Variants in INSL6 observed in about 807,000 individuals in gnomAD.
INSL6 encodes the protein insulin like 6, also known as insulin-like peptide INSL6.
Under a neutral mutation model 9.4 loss-of-function variants are expected in INSL6, and 16 were observed. That is an observed-to-expected ratio of 1.70 (90% CI 1.15 to 2.59). The LOEUF is 2.59. INSL6 is among the 30% of genes most tolerant of loss of function. INSL6 has a pLI of 0.00. For synonymous variants in INSL6, 154 were observed against 96.9 expected (o/e 1.59, Z -3.46); for missense variants, 391 against 257.3 (o/e 1.52, Z -3.56).
At chr9:5,046,370 CT>C in the INSL6 span, among the ~76,000 whole-genome samples, 1 of 152,252 alleles carries the variant, frequency 6.6e-6, no homozygotes, top group African/African-American at 2.4e-5. Context: ...CCTTTTCATT[CT>C]GTTGCTTGTC....
At chr9:5,040,387 G>A in the INSL6 span, among the ~76,000 whole-genome samples, 2 of 152,112 alleles carry the variant, frequency 1.3e-5, no homozygotes, top group East Asian at 3.9e-4. Context: ...TGTGTACTTA[G>A]ATTAGGCAGT....
the INSL6 span, chr9:5,086,024 T>C: frequency 1.3e-6 from 1 of 793,256 alleles, no homozygotes; most frequent in Non-Finnish European, 2.3e-6. Flanking sequence ...TATATACATT[T>C]GGACAGGCAG....
At chr9:5,063,312 A>G in the INSL6 span, among the ~76,000 whole-genome samples, 1 of 152,192 alleles carries the variant, frequency 6.6e-6, no homozygotes, top group Non-Finnish European at 1.5e-5. Flanking sequence ...TTCTCAATAC[A>G]AAATTTCACA....
the INSL6 span, chr9:5,041,592 T>G: frequency 2.0e-6 from 1 of 499,124 alleles, no homozygotes; most frequent in South Asian, 1.6e-5. Context: ...GCGCCTGGAC[T>G]TTGAGAAGCC....
chr9:5,105,230 T>C, the INSL6 span, among the ~76,000 whole-genome samples: 2 of 152,186 alleles, frequency 1.3e-5, no homozygotes, highest in African/African-American at 4.8e-5. Context: ...ACAAAATCAA[T>C]GTGCAAAAAT....
chr9:5,123,832 A>T (rs1484978538), downstream of INSL6, among the ~76,000 whole-genome samples: 3 of 142,848 alleles, frequency 2.1e-5, no homozygotes, highest in African/African-American at 5.2e-5. Context: ...TCTCTCTCTC[A>T]TTTTTTTTTC....
the INSL6 span, chr9:5,085,857 G>C: frequency 2.6e-6 from 2 of 774,856 alleles, no homozygotes; most frequent in Non-Finnish European, 2.4e-6. Flanking sequence ...GTAGTACTCA[G>C]AGATTTCCTT....
the INSL6 span, among the ~76,000 whole-genome samples, chr9:5,014,520 A>G: frequency 2.0e-5 from 3 of 152,150 alleles, no homozygotes; most frequent in African/African-American, 7.2e-5. Flanking sequence ...AATCTAATCT[A>G]TGGTGGGAAA....
At chr9:5,095,085 C>T in the INSL6 span, 1 of 152,092 alleles carries the variant, frequency 6.6e-6, no homozygotes, top group Admixed American at 6.6e-5. Flanking sequence ...CCTCTTATTT[C>T]TGGAACTATA....
the INSL6 span, among the ~76,000 whole-genome samples, chr9:5,061,516 G>A: frequency 6.6e-6 from 1 of 152,120 alleles, no homozygotes; most frequent in African/African-American, 2.4e-5. Flanking sequence ...ACCAACCTCT[G>A]CTAGCTTCCA....
intron 1 of INSL6, 143 bp from the exon 2 acceptor site, chr9:5,164,408 A>G (rs2130905659): frequency 3.2e-6 from 2 of 621,958 alleles, no homozygotes; most frequent in South Asian, 2.2e-5. Context: ...TGGTTATTCA[A>G]AAGCAATATT....
In INSL6 at chr9:5,138,503, GTTC is replaced by G. The variant is rs373654539; in HGVS notation, c.377-4914_377-4912del. ...AAGAACAGAAAACCAAACACCACAT[GTTC>G]TCACTCATAAGTGGGAGTTGAACAA... On this transcript the variant is annotated intron_variant, in intron 2 of 3. Transcript: ENST00000649639. Among the ~76,000 whole-genome samples the G allele has an allele frequency of 6.8e-4, 104 of 152,218 alleles. 2 individuals carry two copies. The East Asian group carries it at 0.014, about 20-fold the overall frequency.
At chr9:5,062,044 T>C in the INSL6 span, among the ~76,000 whole-genome samples, 1 of 152,154 alleles carries the variant, frequency 6.6e-6, no homozygotes, top group Non-Finnish European at 1.5e-5. Flanking sequence ...CACCATCTTA[T>C]ATAGGCCCAG....
At chr9:5,086,003 C>A in the INSL6 span, 11 of 839,390 alleles carry the variant, frequency 1.3e-5, no homozygotes, top group South Asian at 4.0e-5. Context: ...TGTGATGAAA[C>A]TGTGATATAC....
chr9:5,142,859 T>C (rs1301509730), intron 2 of INSL6, among the ~76,000 whole-genome samples: 1 of 152,190 alleles, frequency 6.6e-6, no homozygotes, highest in African/African-American at 2.4e-5. Context: ...TCTTGTTATT[T>C]TGAGGTATAT....
chr9:5,085,855 CAGA>C, the INSL6 span: 1 of 772,712 alleles, frequency 1.3e-6, no homozygotes, highest in Non-Finnish European at 2.4e-6. Context: ...AAGTAGTACT[CAGA>C]GATTTCCTTA....
chr9:5,031,893 G>C, the INSL6 span, among the ~76,000 whole-genome samples: 1 of 152,200 alleles, frequency 6.6e-6, no homozygotes, highest in African/African-American at 2.4e-5. Context: ...GTCTCACTGG[G>C]GAGTGTAGGA....
chr9:5,048,756 AT>A, the INSL6 span, among the ~76,000 whole-genome samples: 2 of 152,184 alleles, frequency 1.3e-5, no homozygotes, highest in Non-Finnish European at 2.9e-5. Flanking sequence ...TTTTAATAAA[AT>A]TAGTTTAAAA....
rs560610173 is a variant in INSL6, at chr9:5,127,840, T to C, written c.*11-3329A>G. 6.4e-5 allele frequency: 15 copies of C among 232,600 alleles called. No homozygotes were observed. The East Asian group carries it at 7.2e-4, about 11-fold the overall frequency. The allele number at this position is 232,600 out of a possible 1,614,324, so 14.4% of individuals were successfully genotyped here. On this transcript the variant is annotated intron_variant, in intron 3 of 3. Coordinates refer to the INSL6 transcript ENST00000649639. ...ATTTGAGGGGTTTCAGAATTTTGCA[T>C]TGCAGTCATAGAAGAGATTTATTTC...
Sources: allele counts gnomAD v4.1 joint callset (sites outside exome capture counted in the v4.1 genomes callset), GRCh38; gene constraint gnomAD v4.1.1; transcripts MANE v1.5; gene names NCBI Gene and HGNC (gene_info 2026-07-23, HGNC 2026-07-21).